Variants in HOMER1 observed in about 807,000 individuals in gnomAD.
The protein encoded by HOMER1 is homer protein homolog 1.
In HOMER1, 3 loss-of-function variants were observed where a neutral mutation model predicts 48.9. The observed-to-expected ratio is 0.06, with a 90% CI of 0.03 to 0.16. The LOEUF is 0.16. Among genes scored for constraint, HOMER1 ranks in the 10% least tolerant of loss-of-function variants. The pLI, the probability that HOMER1 is intolerant of heterozygous loss-of-function variation, is 1.00. For synonymous variants in HOMER1, 134 were observed against 146.4 expected (o/e 0.92, Z 0.61); for missense variants, 247 against 411.4 (o/e 0.60, Z 3.46).
At chr5:79,456,755 A>G (rs893228324) in intron 2 of HOMER1, 107 bp downstream of exon 2, 6 of 1,020,026 alleles carry the variant, frequency 5.9e-6, no homozygotes, top group Admixed American at 5.1e-5. Flanking sequence ...TAAGAACTCA[A>G]AAGGAAACAT....
intron 1 of HOMER1, among the ~76,000 whole-genome samples, chr5:79,505,357 C>CT (rs1186904525): frequency 3.3e-5 from 5 of 152,232 alleles, no homozygotes; most frequent in African/African-American, 1.2e-4. Flanking sequence ...CCTCTGGACT[C>CT]TGAGGCATGT....
rs1037078222 is a variant in HOMER1, at chr5:79,513,482, G to A, written c.-708C>T. The stretch of plus-strand genomic sequence containing the variant: ...GGCAGGATCGATTCATTCTCCCGAA[G>A]AGAATAAACGGAGCCATTTCCAGGC... On this transcript the variant is annotated 5_prime_UTR_variant, in exon 1 of 9. Coordinates refer to ENST00000334082, the MANE Select transcript of HOMER1 (RefSeq NM_004272.5). 1.6e-4 allele frequency: 25 copies of A among 152,490 alleles called. No individual in the cohort carries two copies. The highest frequency in any genetic ancestry group is 5.8e-4 in the African/African-American group (24 of 41,470). The allele number at this position is 152,490 out of a possible 1,614,324, so 9.4% of individuals were successfully genotyped here. A position where few individuals can be genotyped will look rare whatever the true frequency, so the allele number is the denominator to read the frequency against.
chr5:79,425,635 A>C (rs1235048380), intron 5 of HOMER1, among the ~76,000 whole-genome samples: 1 of 152,062 alleles, frequency 6.6e-6, no homozygotes, highest in African/African-American at 2.4e-5. Context: ...TAATAATGAC[A>C]GAACAGTTTA....
chr5:79,397,465 G>T, intron 7 of HOMER1, 62 bp downstream of exon 7: 1 of 980,458 alleles, frequency 1.0e-6, no homozygotes, highest in East Asian at 2.5e-5. Flanking sequence ...ATTTGACATG[G>T]AATCTAATAC....
At chr5:79,470,984 C>T (rs1751599426) in intron 1 of HOMER1, among the ~76,000 whole-genome samples, 1 of 152,060 alleles carries the variant, frequency 6.6e-6, no homozygotes, top group Admixed American at 6.5e-5. Flanking sequence ...CTTCTCTCAA[C>T]ACAGACACCA....
At position 79,446,482 on chromosome 5, in the gene HOMER1, A is replaced by G. The variant is rs192820551; in HGVS notation, c.387+571T>C. On this transcript the variant is annotated intron_variant, in intron 4 of 8. Transcript: ENST00000334082. ...ACTCCCCTTGTGGTTACATTTGACT[A>G]TCACATGATCTTTATGTACTTTTGC... Among the ~76,000 whole-genome samples the G allele has an allele frequency of 3.0e-3, 454 of 152,298 alleles. 6 individuals are homozygous for G. The highest frequency in any genetic ancestry group is 0.01 in the African/African-American group (431 of 41,562).
chr5:79,400,934 AT>A (rs746813087), intron 6 of HOMER1, among the ~76,000 whole-genome samples: 2,589 of 115,072 alleles, frequency 0.022, 73 homozygotes, highest in African/African-American at 0.073. Context: ...AAGAAAAAAG[AT>A]TTTTTTTTTT....
intron 1 of HOMER1, among the ~76,000 whole-genome samples, chr5:79,468,968 T>G (rs1226959957): frequency 6.6e-6 from 1 of 152,224 alleles, no homozygotes; most frequent in Non-Finnish European, 1.5e-5. Context: ...ATTGCTATAC[T>G]CATTTCTGAG....
At chr5:79,492,904 TGTC>T (rs149919218) in intron 1 of HOMER1, among the ~76,000 whole-genome samples, 15 of 135,098 alleles carry the variant, frequency 1.1e-4, no homozygotes, top group African/African-American at 2.6e-4. Flanking sequence ...ACGAAAACTT[TGTC>T]TTTTTTTTTT....
At chr5:79,505,317 G>C (rs954848875) in intron 1 of HOMER1, among the ~76,000 whole-genome samples, 3 of 152,152 alleles carry the variant, frequency 2.0e-5, no homozygotes, top group African/African-American at 4.8e-5. Flanking sequence ...TATGGAAAGG[G>C]GGGGAATCAT....
intron 1 of HOMER1, among the ~76,000 whole-genome samples, chr5:79,472,973 A>C (rs984772265): frequency 6.6e-6 from 1 of 152,166 alleles, no homozygotes; most frequent in South Asian, 2.1e-4. Context: ...GTTATTCTAC[A>C]CAAGTTATCC....
chr5:79,378,769 C>G (rs1748844438), intron 8 of HOMER1, among the ~76,000 whole-genome samples: 1 of 151,990 alleles, frequency 6.6e-6, no homozygotes, highest in Non-Finnish European at 1.5e-5. Flanking sequence ...GAAAGGTTCC[C>G]TTGTTTCCTT....
At chr5:79,471,570 A>AAAAG (rs1751622237) in intron 1 of HOMER1, among the ~76,000 whole-genome samples, 1 of 151,266 alleles carries the variant, frequency 6.6e-6, no homozygotes, top group African/African-American at 2.4e-5. Context: ...AAAAAAAAAA[A>AAAAG]AAAGAAAGAA....
chr5:79,456,747 A>C, intron 2 of HOMER1, 115 bp downstream of exon 2: 1 of 919,764 alleles, frequency 1.1e-6, no homozygotes, highest in Non-Finnish European at 1.6e-6. Flanking sequence ...AAAAGTTTTA[A>C]GAACTCAAAA....
At chr5:79,488,629 A>G (rs1425158379) in intron 1 of HOMER1, among the ~76,000 whole-genome samples, 1 of 152,216 alleles carries the variant, frequency 6.6e-6, no homozygotes. Context: ...CCTTTTTCTT[A>G]CTGTACATCC....
At chr5:79,480,039 A>C (rs1368258683) in intron 1 of HOMER1, among the ~76,000 whole-genome samples, 1 of 152,240 alleles carries the variant, frequency 6.6e-6, no homozygotes, top group African/African-American at 2.4e-5. Flanking sequence ...TAACAAGCGT[A>C]GTTGAGTAGT....
chr5:79,415,691 A>G (rs1055867009), intron 5 of HOMER1, among the ~76,000 whole-genome samples: 1 of 152,228 alleles, frequency 6.6e-6, no homozygotes, highest in Non-Finnish European at 1.5e-5. Context: ...GACTTTTCTG[A>G]GGAAAATTAA....
chr5:79,499,314 G>GTAA, intron 1 of HOMER1, among the ~76,000 whole-genome samples: 1 of 152,078 alleles, frequency 6.6e-6, no homozygotes, highest in African/African-American at 2.4e-5. Context: ...CTGACTGATG[G>GTAA]AATTTACATT....
chr5:79,474,902 T>A (rs963414968), intron 1 of HOMER1, among the ~76,000 whole-genome samples: 2 of 152,218 alleles, frequency 1.3e-5, no homozygotes, highest in Non-Finnish European at 2.9e-5. Flanking sequence ...TTATGTGATG[T>A]CTCAGCAATT....
Sources: allele counts gnomAD v4.1 joint callset (sites outside exome capture counted in the v4.1 genomes callset), GRCh38; gene constraint gnomAD v4.1.1; transcripts MANE v1.5; gene names NCBI Gene and HGNC (gene_info 2026-07-23, HGNC 2026-07-21).